Variants in NCALD observed in about 807,000 individuals in gnomAD.
NCALD encodes neurocalcin-delta.
A neutral mutation model predicts 18.6 loss-of-function variants in NCALD; 10 were observed. The observed-to-expected ratio is 0.54, with a 90% confidence interval of 0.33 to 0.91. The LOEUF is 0.91. NCALD is among the 40% of genes least tolerant of loss of function. NCALD has a pLI of 0.03. For synonymous variants in NCALD, 88 were observed against 87.4 expected (o/e 1.01, Z -0.04); for missense variants, 184 against 247.6 (o/e 0.74, Z 1.72).
chr8:101,711,027 C>T (rs1815764989), intron 2 of NCALD, among the ~76,000 whole-genome samples: 1 of 152,132 alleles, frequency 6.6e-6, no homozygotes, highest in Non-Finnish European at 1.5e-5. Flanking sequence ...TTGGCTGGCA[C>T]CTGGCCAGGT....
chr8:101,752,563 C>A (rs148398554), intron 1 of NCALD, among the ~76,000 whole-genome samples: 15 of 152,238 alleles, frequency 9.9e-5, no homozygotes, highest in Non-Finnish European at 2.2e-4. Context: ...ATCAGAAATC[C>A]AGGAGTGGTG....
intron 1 of NCALD, among the ~76,000 whole-genome samples, chr8:101,728,502 AT>A (rs1816669793): frequency 6.6e-6 from 1 of 152,236 alleles, no homozygotes; most frequent in African/African-American, 2.4e-5. Context: ...AACCACAGGG[AT>A]TCCTGAAAGA....
intron 4 of NCALD, among the ~76,000 whole-genome samples, chr8:101,820,381 A>T (rs1437564765): frequency 1.3e-5 from 2 of 152,210 alleles, no homozygotes; most frequent in Non-Finnish European, 2.9e-5. Context: ...TGTTAAATAA[A>T]TAAATGAGTA....
At chr8:101,793,209 G>A (rs1812510957), upstream of NCALD, among the ~76,000 whole-genome samples, 1 of 152,046 alleles carries the variant, frequency 6.6e-6, no homozygotes, top group South Asian at 2.1e-4. Context: ...AATTAGCCAG[G>A]CATGGTGGCA....
chr8:101,811,327 A>G (rs1813296880), intron 4 of NCALD, among the ~76,000 whole-genome samples: 2 of 152,164 alleles, frequency 1.3e-5, no homozygotes, highest in Admixed American at 1.3e-4. Flanking sequence ...GGCTAGGAAG[A>G]TGGAGGAAGG....
intron 1 of NCALD, among the ~76,000 whole-genome samples, chr8:101,752,636 T>C (rs985853811): frequency 6.6e-6 from 1 of 152,210 alleles, no homozygotes; most frequent in Non-Finnish European, 1.5e-5. Flanking sequence ...TTAAGCTTTA[T>C]TTTCACCAAG....
intron 2 of NCALD, among the ~76,000 whole-genome samples, chr8:102,005,649 T>C (rs1363978906): frequency 2.0e-5 from 3 of 152,160 alleles, no homozygotes; most frequent in Admixed American, 6.5e-5. Flanking sequence ...AATGATAGAC[T>C]GGATTAAGAA....
intron 4 of NCALD, among the ~76,000 whole-genome samples, chr8:101,851,415 A>C (rs910448230): frequency 2.6e-5 from 4 of 152,140 alleles, no homozygotes; most frequent in Admixed American, 1.3e-4. Flanking sequence ...TGATAAAAGC[A>C]TTTAGCATTG....
Position 101,689,406 on chromosome 8 carries a change from C to T in NCALD, c.485G>A (p.Gly162Glu), listed in dbSNP as rs1012638978. 4.4e-6 allele frequency: 7 copies of T among 1,599,290 alleles called. No homozygotes were observed. The highest frequency in any genetic ancestry group is 6.0e-6 in the Non-Finnish European group (7 of 1,173,044). The stretch of plus-strand genomic sequence containing the variant: ...GATGAACTCTTCCAGGGAGAGTTTT[C>T]CTAGGAAGCAAGAGGACAGGTGAGT... ...IFRQMDTNRD[G>E]KLSLEEFIRG... is the part of the protein sequence containing the mutation. The change falls in exon 4 of 4, where the codon GGA becomes GAA. Residue 162 changes from glycine (G) to glutamate (E), a missense_variant and splice_region_variant. Physicochemically the swap from Gly to Glu is moderately conservative, Grantham distance 98. Coordinates refer to ENST00000220931, the MANE Select transcript of NCALD (RefSeq NM_032041.3). This position sits in a 1 kb window ranked among gnomAD's most constrained non-coding sequence, Gnocchi z 4.4.
chr8:101,891,560 G>A (rs537066870), intron 3 of NCALD, among the ~76,000 whole-genome samples: 4 of 152,348 alleles, frequency 2.6e-5, no homozygotes, highest in South Asian at 2.1e-4. Context: ...CAGCGTGAGC[G>A]ACGCAGAAGA....
chr8:102,074,961 T>C (rs886750996), intron 1 of NCALD, among the ~76,000 whole-genome samples: 2 of 152,288 alleles, frequency 1.3e-5, no homozygotes, highest in Middle Eastern at 6.8e-3. Context: ...TTCTTTTCCA[T>C]AAGGTGATAA....
intron 1 of NCALD, among the ~76,000 whole-genome samples, chr8:102,060,962 G>C (rs368957680): frequency 1.3e-5 from 2 of 152,108 alleles, no homozygotes; most frequent in Admixed American, 6.5e-5. Flanking sequence ...GACAAAAGCC[G>C]CTTTTCCTCA....
At chr8:101,788,375 C>T (rs1289133156) in intron 1 of NCALD, among the ~76,000 whole-genome samples, 1 of 152,128 alleles carries the variant, frequency 6.6e-6, no homozygotes. Context: ...GGCCACAAGC[C>T]ACAGCACCTG....
At chr8:101,962,129 A>G (rs10099842) in intron 2 of NCALD, among the ~76,000 whole-genome samples, 54,125 of 151,980 alleles carry the variant, frequency 0.36, 9,932 homozygotes, top group South Asian at 0.44. Context: ...TAACCACTCA[A>G]AAACCCATAA....
chr8:102,019,106 C>A (rs984655583), intron 2 of NCALD, among the ~76,000 whole-genome samples: 1 of 151,820 alleles, frequency 6.6e-6, no homozygotes, highest in African/African-American at 2.4e-5. Context: ...ATTTTTAAGA[C>A]CTGAAGGGGC....
chr8:101,966,086 T>C (rs1445601730), intron 2 of NCALD, among the ~76,000 whole-genome samples: 1 of 149,068 alleles, frequency 6.7e-6, no homozygotes, highest in African/African-American at 2.5e-5. Flanking sequence ...AATGAAATAA[T>C]AAAAAATACT....
At chr8:101,981,930 T>C (rs934880582) in intron 2 of NCALD, among the ~76,000 whole-genome samples, 14 of 152,196 alleles carry the variant, frequency 9.2e-5, no homozygotes, top group Non-Finnish European at 1.6e-4. Context: ...GTTTGGGTCA[T>C]GGGGATGGAT....
At chr8:102,033,507 G>A (rs1231110943) in intron 1 of NCALD, among the ~76,000 whole-genome samples, 2 of 152,112 alleles carry the variant, frequency 1.3e-5, no homozygotes, top group African/African-American at 4.8e-5. Flanking sequence ...AAGATTTTGG[G>A]CTCTGCTGGT....
At chr8:101,873,230 A>C (rs1005550218) in intron 4 of NCALD, among the ~76,000 whole-genome samples, 1 of 152,238 alleles carries the variant, frequency 6.6e-6, no homozygotes, top group Non-Finnish European at 1.5e-5. Context: ...TAAAGTGAAC[A>C]ATCTCCAATG....
Sources: allele counts gnomAD v4.1 joint callset (sites outside exome capture counted in the v4.1 genomes callset), GRCh38; gene constraint gnomAD v4.1.1; non-coding constraint Gnocchi (gnomAD v3.1); transcripts MANE v1.5; gene names NCBI Gene and HGNC (gene_info 2026-07-23, HGNC 2026-07-21).